Variants in CNTN5 observed in about 807,000 individuals in gnomAD.
CNTN5 encodes the protein contactin 5.
Under a neutral mutation model 129.1 loss-of-function variants are expected in CNTN5, and 77 were observed. The ratio of observed to expected loss-of-function variants is 0.60; its 90% CI spans 0.50 to 0.72. CNTN5 has a LOEUF of 0.72. CNTN5 is among the 30% of genes least tolerant of loss of function. The pLI, the probability that CNTN5 is intolerant of heterozygous loss-of-function variation, is 0.00. For missense variants in CNTN5, 1,478 were observed against 1,328.8 expected, an observed-to-expected ratio of 1.11 and a Z score of -1.75; for synonymous variants, 509 against 465.6, an observed-to-expected ratio of 1.09 and a Z score of -1.20.
intron 4 of CNTN5, among the ~76,000 whole-genome samples, chr11:99,841,894 ATATTT>A (rs1437048722): frequency 5.3e-5 from 5 of 94,592 alleles, no homozygotes; most frequent in Non-Finnish European, 8.3e-5. Context: ...ACATATATAT[ATATTT>A]TTTTTTTATG....
At chr11:99,724,953 A>G (rs1260355210) in intron 3 of CNTN5, among the ~76,000 whole-genome samples, 1 of 152,220 alleles carries the variant, frequency 6.6e-6, no homozygotes, top group Non-Finnish European at 1.5e-5. Flanking sequence ...TCACAAGATA[A>G]AAGATTTTTT....
At chr11:100,082,654 A>G (rs1944408668) in intron 13 of CNTN5, among the ~76,000 whole-genome samples, 1 of 152,118 alleles carries the variant, frequency 6.6e-6, no homozygotes, top group African/African-American at 2.4e-5. Context: ...AAATAATGGT[A>G]TATTATCAGT....
intron 6 of CNTN5, among the ~76,000 whole-genome samples, chr11:99,898,063 T>C (rs1949255298): frequency 6.6e-6 from 1 of 152,024 alleles, no homozygotes; most frequent in Non-Finnish European, 1.5e-5. Flanking sequence ...ACCTCCTGAA[T>C]ACAGTGAAGG....
intron 1 of CNTN5, among the ~76,000 whole-genome samples, chr11:99,084,661 G>A (rs903789008): frequency 1.4e-4 from 22 of 151,770 alleles, no homozygotes; most frequent in Admixed American, 1.2e-3. Context: ...TTCTTCAACT[G>A]TCTCAGACAA....
chr11:100,080,643 C>T (rs181343279), intron 13 of CNTN5, among the ~76,000 whole-genome samples: 69 of 152,160 alleles, frequency 4.5e-4, no homozygotes, highest in Admixed American at 3.1e-3. Context: ...GTTTTTGTCC[C>T]TTTGTTTCCA....
At position 99,415,085 on chromosome 11, in the gene CNTN5, G is replaced by C. The variant is rs1052301570; in HGVS notation, c.-71+89601G>C. Among the ~76,000 whole-genome samples, 4 of 152,300 alleles carry C rather than the reference G, an allele frequency of 2.6e-5. No homozygotes were observed. The East Asian group carries it at 7.7e-4, about 29-fold the overall frequency. ...ACACACTCTTTGGAATTATAGGCGTGAAAATGTGTGATATCTTTTCTTACC... is the reference window on the plus strand; with the variant it reads ...ACACACTCTTTGGAATTATAGGCGTCAAAATGTGTGATATCTTTTCTTACC... On this transcript the variant is annotated intron_variant, in intron 2 of 24. Coordinates refer to ENST00000524871, the MANE Select transcript of CNTN5 (RefSeq NM_014361.4).
At chr11:100,022,900 C>G (rs1025245290) in intron 9 of CNTN5, among the ~76,000 whole-genome samples, 8 of 152,100 alleles carry the variant, frequency 5.3e-5, no homozygotes, top group African/African-American at 1.7e-4. Flanking sequence ...ACTCTTATAT[C>G]TGTTCCTGAG....
At chr11:99,245,476 C>T (rs942879948) in intron 1 of CNTN5, among the ~76,000 whole-genome samples, 16 of 152,058 alleles carry the variant, frequency 1.1e-4, no homozygotes, top group African/African-American at 3.9e-4. Context: ...TGCCTCCATG[C>T]CCGGCTAATT....
At chr11:99,361,665 T>C (rs1218497541) in intron 2 of CNTN5, among the ~76,000 whole-genome samples, 1 of 152,132 alleles carries the variant, frequency 6.6e-6, no homozygotes, top group Non-Finnish European at 1.5e-5. Context: ...CCCAACATTT[T>C]GTACCCTCTA....
chr11:99,642,470 ATT>A (rs1481264146), intron 3 of CNTN5, among the ~76,000 whole-genome samples: 1 of 152,066 alleles, frequency 6.6e-6, no homozygotes, highest in African/African-American at 2.4e-5. Flanking sequence ...TTTACTTTGT[ATT>A]TTGTCATTAG....
intron 2 of CNTN5, among the ~76,000 whole-genome samples, chr11:99,492,477 C>T (rs1233894609): frequency 1.3e-5 from 2 of 152,084 alleles, no homozygotes; most frequent in African/African-American, 4.8e-5. Context: ...ATAACATATT[C>T]ATATGCTAAA....
chr11:100,027,029 AT>A (rs1941455753), intron 9 of CNTN5, among the ~76,000 whole-genome samples: 3 of 152,074 alleles, frequency 2.0e-5, no homozygotes, highest in African/African-American at 7.2e-5. Flanking sequence ...TAAAAAAAAA[AT>A]CTCTTCCATA....
intron 1 of CNTN5, among the ~76,000 whole-genome samples, chr11:99,284,644 T>TGTGA (rs1239976404): frequency 1.1e-4 from 16 of 142,370 alleles, no homozygotes; most frequent in Non-Finnish European, 2.3e-4. Context: ...TGTGTGTGTG[T>TGTGA]GTGTGTGTGT....
At chr11:100,330,053 A>C (rs550831887) in intron 21 of CNTN5, among the ~76,000 whole-genome samples, 1 of 152,220 alleles carries the variant, frequency 6.6e-6, no homozygotes, top group Non-Finnish European at 1.5e-5. Flanking sequence ...AGAAAGGTGA[A>C]GGCCAACTTA....
At chr11:99,654,157 G>A (rs1021382350) in intron 3 of CNTN5, among the ~76,000 whole-genome samples, 1 of 152,042 alleles carries the variant, frequency 6.6e-6, no homozygotes, top group African/African-American at 2.4e-5. Context: ...TGATTACTAG[G>A]TATGTTTTCA....
chr11:99,892,196 TGTTAA>T (rs901431989), intron 6 of CNTN5, among the ~76,000 whole-genome samples: 1 of 152,176 alleles, frequency 6.6e-6, no homozygotes, highest in African/African-American at 2.4e-5. Context: ...CTCGTAAATT[TGTTAA>T]GTTCTTTGTA....
chr11:99,650,417 C>G (rs530067840), intron 3 of CNTN5, among the ~76,000 whole-genome samples: 3 of 152,000 alleles, frequency 2.0e-5, no homozygotes, highest in African/African-American at 7.2e-5. Context: ...ACGCATCAGT[C>G]TCTATTATAC....
At chr11:99,761,638 G>A (rs1944586332) in intron 3 of CNTN5, among the ~76,000 whole-genome samples, 1 of 151,918 alleles carries the variant, frequency 6.6e-6, no homozygotes, top group Admixed American at 6.6e-5. Context: ...GTGTATATGT[G>A]CCACATTTTC....
At chr11:99,887,831 C>G (rs1215485033) in intron 6 of CNTN5, among the ~76,000 whole-genome samples, 1 of 152,192 alleles carries the variant, frequency 6.6e-6, no homozygotes, top group Non-Finnish European at 1.5e-5. Context: ...CTACTTCACT[C>G]TAGCCTAGCC....
Sources: gnomAD v4.1 joint callset for allele counts (sites outside exome capture counted in the v4.1 genomes callset) on GRCh38, gnomAD v4.1.1 for gene constraint, MANE v1.5 for transcripts, NCBI Gene and HGNC (gene_info 2026-07-23, HGNC 2026-07-21) for gene names.